Variants in TBC1D13 observed in about 807,000 individuals in gnomAD.
TBC1D13 encodes the protein epididymis secretory sperm binding protein.
A neutral mutation model predicts 53.6 loss-of-function variants in TBC1D13; 40 were observed. The observed-to-expected ratio is 0.75, with a 90% CI of 0.58 to 0.97. TBC1D13 has a LOEUF of 0.97. Ranked by LOEUF, TBC1D13 falls within the 50% of genes least tolerant of loss-of-function variation. TBC1D13 has a pLI of 0.00. For synonymous variants in TBC1D13, 182 were observed against 197.7 expected, an observed-to-expected ratio of 0.92 and a Z score of 0.67; for missense variants, 377 against 499.4, an observed-to-expected ratio of 0.75 and a Z score of 2.34.
intron 4 of TBC1D13, 43 bp from the exon 5 acceptor site, chr9:128,791,551 G>A (rs769870023): frequency 1.7e-5 from 28 of 1,610,102 alleles, no homozygotes; most frequent in Non-Finnish European, 2.3e-5. Context: ...GGGCTCCCTG[G>A]GCAGGACCGT....
chr9:128,807,347 A>T (rs1179206842), intron 11 of TBC1D13, among the ~76,000 whole-genome samples: 2 of 152,062 alleles, frequency 1.3e-5, no homozygotes. Context: ...TCAGCCTCCC[A>T]AAGTGCTGAG....
intron 10 of TBC1D13, 65 bp from the exon 11 acceptor site, chr9:128,806,189 G>A (rs1442669808): frequency 1.2e-6 from 2 of 1,610,386 alleles, no homozygotes; most frequent in South Asian, 2.2e-5. Context: ...TAGGGAGGGA[G>A]GAGTGGGCAG....
Position 128,803,379 on chromosome 9 carries a change from A to G in TBC1D13, c.673A>G (p.Ile225Val). Residue 225 changes from isoleucine (I) to valine (V), a missense_variant, in exon 8 of 12, where the codon ATC becomes GTC. Physicochemically the swap from Ile to Val is conservative, Grantham distance 29. Coordinates refer to ENST00000372648, the MANE Select transcript of TBC1D13 (RefSeq NM_018201.5). ...CATCTACGCCAAGCTCAACCCTGGCATCGCTTATGTGCAAGGCATGAATGA... is the reference window on the plus strand; with the variant it reads ...CATCTACGCCAAGCTCAACCCTGGCGTCGCTTATGTGCAAGGCATGAATGA... Reference protein sequence around the residue: ...LFIYAKLNPGIAYVQGMNEIV... With the variant: ...LFIYAKLNPGVAYVQGMNEIV... 1 of 1,614,218 alleles carries G rather than the reference A, an allele frequency of 6.2e-7. No individual in the cohort carries two copies. The highest frequency in any genetic ancestry group is 8.5e-7 in the Non-Finnish European group (1 of 1,180,036).
intron 6 of TBC1D13, 57 bp from the exon 7 acceptor site, chr9:128,796,998 G>A: frequency 1.3e-6 from 2 of 1,594,166 alleles, no homozygotes; most frequent in South Asian, 1.1e-5. Flanking sequence ...CTGGCAGATG[G>A]GATGGCGAAA....
intron 11 of TBC1D13, among the ~76,000 whole-genome samples, chr9:128,806,602 G>A (rs1829838642): frequency 1.3e-5 from 2 of 152,200 alleles, no homozygotes; most frequent in South Asian, 4.1e-4. Flanking sequence ...CGTGCTTGCT[G>A]GTGGCCATGC....
chr9:128,792,470 G>C (rs1220187042), intron 5 of TBC1D13, 22 bp from the exon 6 acceptor site: 2 of 1,612,736 alleles, frequency 1.2e-6, no homozygotes, highest in Admixed American at 3.3e-5. Flanking sequence ...CTTGGACAGA[G>C]CATCTTCATT....
chr9:128,806,446 C>T (rs527826023), intron 11 of TBC1D13, 135 bp downstream of exon 11: 1 of 1,019,730 alleles, frequency 9.8e-7, no homozygotes, highest in African/African-American at 1.6e-5. Flanking sequence ...GACCCCTGAG[C>T]AGATCTGGTT....
intron 7 of TBC1D13, among the ~76,000 whole-genome samples, chr9:128,802,418 A>G (rs1829753480): frequency 6.6e-6 from 1 of 152,124 alleles, no homozygotes; most frequent in African/African-American, 2.4e-5. Context: ...CAATTAGAGA[A>G]TGTTTTTCTT....
At chr9:128,803,775 G>A (rs1829778530) in intron 8 of TBC1D13, among the ~76,000 whole-genome samples, 181 bp from the exon 9 acceptor site, 4 of 152,182 alleles carry the variant, frequency 2.6e-5, no homozygotes, top group Admixed American at 2.6e-4. Flanking sequence ...CCAGATGTGA[G>A]AAGAAAGAGG....
At chr9:128,798,078 C>G (rs575673540) in intron 7 of TBC1D13, among the ~76,000 whole-genome samples, 1 of 152,016 alleles carries the variant, frequency 6.6e-6, no homozygotes, top group East Asian at 1.9e-4. Context: ...CATGGTGAAA[C>G]CTTGTCTCTA....
chr9:128,794,408 A>C (rs1046747260), intron 6 of TBC1D13, among the ~76,000 whole-genome samples: 1 of 152,208 alleles, frequency 6.6e-6, no homozygotes, highest in Admixed American at 6.5e-5. Flanking sequence ...GCTGTGTTCA[A>C]GTCAAGAACC....
rs780297801 is a variant in TBC1D13 at position 128,788,435 on chromosome 9, T to C, written c.97+28T>C. 22 of 1,608,820 alleles carry C rather than the reference T, an allele frequency of 1.4e-5. No homozygotes were observed. The South Asian group carries it at 2.4e-4, about 18-fold the overall frequency. On this transcript the variant is annotated intron_variant, in intron 2 of 11. Coordinates refer to ENST00000372648, the MANE Select transcript of TBC1D13 (RefSeq NM_018201.5). ...AAGAAGCCATTCTGTATTTTCACGG[T>C]TTCCCTACAGCAGCCCTGTGGCTAG...
In TBC1D13 at chr9:128,797,185, G is replaced by A. The variant is rs539585390; in HGVS notation, c.514G>A (p.Val172Met). ...VEQTTLKSQTVARNRSGVTNM... is the reference protein window; with the variant it reads ...VEQTTLKSQTMARNRSGVTNM... ...ACAGACAACACTGAAATCTCAGACGGTGGCCCGGAACCGGAGTGGGGTCAC... is the reference window on the plus strand; with the variant it reads ...ACAGACAACACTGAAATCTCAGACGATGGCCCGGAACCGGAGTGGGGTCAC... The change falls in exon 7 of 12, where the codon GTG becomes ATG. Residue 172 changes from valine (V) to methionine (M), a missense_variant. By Grantham distance (21) the Val-to-Met change is conservative. Coordinates refer to ENST00000372648, the MANE Select transcript of TBC1D13 (RefSeq NM_018201.5). 682 of 1,614,070 alleles carry A rather than the reference G, an allele frequency of 4.2e-4. 12 individuals are homozygous for A. The South Asian group carries it at 7.1e-3, about 17-fold the overall frequency.
chr9:128,801,919 GC>G (rs1203520098), intron 7 of TBC1D13, among the ~76,000 whole-genome samples: 1 of 150,768 alleles, frequency 6.6e-6, no homozygotes, highest in Non-Finnish European at 1.5e-5. Flanking sequence ...CCGCCACCAC[GC>G]CTGGCTAATT....
At position 128,791,451 on chromosome 9, in the gene TBC1D13, C is replaced by T. The variant is rs570949702; in HGVS notation, c.200+10C>T. 17 of 1,614,076 alleles carry T rather than the reference C, an allele frequency of 1.1e-5. No homozygotes were observed. Among genetic ancestry groups the T allele is most frequent in the African/African-American group, 5.3e-5 (4 of 75,036 alleles). ...TCCTGGCCAAGCAGAGGTGAGACCC[C>T]GTGTAAGGGCAGTGACAGGAGGGCC... On this transcript the variant is annotated intron_variant, in intron 4 of 11. Coordinates refer to ENST00000372648, the MANE Select transcript of TBC1D13 (RefSeq NM_018201.5).
intron 1 of TBC1D13, 46 bp downstream of exon 1, chr9:128,787,422 G>GCTGCCCCTT: frequency 8.0e-7 from 1 of 1,250,142 alleles, no homozygotes; most frequent in Non-Finnish European, 1.0e-6. Context: ...TCCTGGCCAG[G>GCTGCCCCTT]CTGCCCCTTC....
At chr9:128,788,957 C>T (rs1440010608) in intron 2 of TBC1D13, among the ~76,000 whole-genome samples, 1 of 152,112 alleles carries the variant, frequency 6.6e-6, no homozygotes, top group African/African-American at 2.4e-5. Flanking sequence ...TCTCTTTTTG[C>T]CTGTTTTAAA....
intron 5 of TBC1D13, among the ~76,000 whole-genome samples, chr9:128,792,062 C>T (rs1017275490): frequency 4.6e-5 from 7 of 152,182 alleles, no homozygotes; most frequent in Non-Finnish European, 5.9e-5. Context: ...CTTCACAGCA[C>T]GTGAGAAAGA....
At chr9:128,807,032 C>T (rs946946691) in intron 11 of TBC1D13, among the ~76,000 whole-genome samples, 1 of 152,066 alleles carries the variant, frequency 6.6e-6, no homozygotes, top group Non-Finnish European at 1.5e-5. Flanking sequence ...AGCCAAGTTA[C>T]AGCATCTCTG....
Sources: allele counts gnomAD v4.1 joint callset (sites outside exome capture counted in the v4.1 genomes callset), GRCh38; gene constraint gnomAD v4.1.1; transcripts MANE v1.5; gene names NCBI Gene and HGNC (gene_info 2026-07-23, HGNC 2026-07-21).